The following DEK variants were observed in gnomAD, a reference collection of about 807,000 sequenced individuals.
DEK encodes protein DEK.
A neutral mutation model predicts 46.8 loss-of-function variants in DEK; 28 were observed. The observed-to-expected ratio is 0.60, with a 90% CI of 0.44 to 0.82. The LOEUF (loss-of-function observed/expected upper bound fraction) is 0.82. Ranked by LOEUF, DEK falls within the 40% of genes least tolerant of loss-of-function variation. DEK has a pLI of 0.00. For missense variants in DEK, 416 were observed against 430.6 expected, an observed-to-expected ratio of 0.97 and a Z score of 0.30; for synonymous variants, 160 against 144.5, an observed-to-expected ratio of 1.11 and a Z score of -0.77.
At chr6:18,260,363 T>C (rs1472210015) in intron 2 of DEK, among the ~76,000 whole-genome samples, 2 of 152,172 alleles carry the variant, frequency 1.3e-5, no homozygotes, top group African/African-American at 4.8e-5. Context: ...AACCCACAGA[T>C]ATGGAGAGCC....
At chr6:18,248,443 A>G (rs1000925918) in intron 7 of DEK, among the ~76,000 whole-genome samples, 1 of 152,204 alleles carries the variant, frequency 6.6e-6, no homozygotes, top group African/African-American at 2.4e-5. Flanking sequence ...ATATATATAC[A>G]TACAAACAAA....
At chr6:18,254,635 A>G (rs1424857449) in intron 6 of DEK, among the ~76,000 whole-genome samples, 1 of 152,186 alleles carries the variant, frequency 6.6e-6, no homozygotes, top group Admixed American at 6.5e-5. Context: ...TGAAACCAAT[A>G]AATTGGAAAA....
chr6:18,255,151 C>T (rs943345209), intron 6 of DEK, among the ~76,000 whole-genome samples: 1 of 152,168 alleles, frequency 6.6e-6, no homozygotes, highest in African/African-American at 2.4e-5. Flanking sequence ...TCATTCGTTA[C>T]CATTAAATAA....
At chr6:18,254,395 T>C (rs1409191543) in intron 6 of DEK, among the ~76,000 whole-genome samples, 1 of 152,096 alleles carries the variant, frequency 6.6e-6, no homozygotes, top group Non-Finnish European at 1.5e-5. Context: ...CAGAAGCAAA[T>C]GGTAATCAAG....
chr6:18,240,151 G>GT (rs1582269041), intron 7 of DEK, among the ~76,000 whole-genome samples: 1 of 152,192 alleles, frequency 6.6e-6, no homozygotes, highest in Non-Finnish European at 1.5e-5. Flanking sequence ...CCTGCAAATT[G>GT]TGAGTAGTGA....
rs186771522 is a variant in DEK at position 18,254,056 on chromosome 6, C to A, written c.573+1675G>T. Among the ~76,000 whole-genome samples the A allele has an allele frequency of 1.2e-4, 18 of 152,216 alleles. No individual in the cohort carries two copies. The East Asian group carries it at 3.3e-3, about 28-fold the overall frequency. On this transcript the variant is annotated intron_variant, in intron 6 of 10. Coordinates refer to ENST00000652689, the MANE Select transcript of DEK (RefSeq NM_003472.4). The stretch of plus-strand genomic sequence containing the variant: ...TTGCAAAAGACTGAATGCGGCCAGG[C>A]ACGGTAGCTCACGCCTGTAATCCCA...
At chr6:18,247,533 G>C (rs531029502) in intron 7 of DEK, among the ~76,000 whole-genome samples, 8 of 152,170 alleles carry the variant, frequency 5.3e-5, no homozygotes, top group African/African-American at 1.9e-4. Flanking sequence ...TTTATAGTGA[G>C]ATGGTTCCAC....
intron 9 of DEK, among the ~76,000 whole-genome samples, chr6:18,231,936 C>T (rs1790431825): frequency 6.6e-6 from 1 of 152,166 alleles, no homozygotes; most frequent in African/African-American, 2.4e-5. Context: ...GACCAATATC[C>T]CTGATGAACA....
intron 2 of DEK, among the ~76,000 whole-genome samples, chr6:18,262,932 T>G (rs1484842504): frequency 6.6e-6 from 1 of 152,064 alleles, no homozygotes; most frequent in Non-Finnish European, 1.5e-5. Context: ...GGTTGAGGCT[T>G]AAAAAAAATC....
chr6:18,233,772 G>C (rs1790519309), intron 9 of DEK, among the ~76,000 whole-genome samples: 1 of 152,074 alleles, frequency 6.6e-6, no homozygotes, highest in Non-Finnish European at 1.5e-5. Flanking sequence ...TTCAACCATT[G>C]TGGAAGACAG....
At position 18,224,462 on chromosome 6, in the gene DEK, AAT is replaced by A. The variant is rs752044843; in HGVS notation, c.*1255_*1256del. 18 of 197,144 alleles carry A rather than the reference AAT, an allele frequency of 9.1e-5. No individual in the cohort carries two copies. The highest frequency in any genetic ancestry group is 1.8e-4 in the Admixed American group (3 of 16,506). The allele number at this position is 197,144 out of a possible 1,614,324, so 12.2% of individuals were successfully genotyped here. ...ACAGCATGTTTTAAAATTCAGATTT[AAT>A]AAACTGATTTAAGACAGTAAATTTG... On this transcript the variant is annotated 3_prime_UTR_variant, in exon 11 of 11. Coordinates refer to ENST00000652689, the MANE Select transcript of DEK (RefSeq NM_003472.4).
chr6:18,244,593 G>GA lies in DEK; in HGVS notation c.762+5057dup, dbSNP rs1218415830. ...GAGCCAGAATTCTGTCCTCACAGCA[G>GA]AAAGGTTGTACTGGGTGAACAGATG... On this transcript the variant is annotated intron_variant, in intron 7 of 10. Transcript: ENST00000652689. 2.3e-6 allele frequency: 3 copies of GA among 1,288,106 alleles called. No homozygotes were observed. The Admixed American group carries it at 6.9e-5, about 30-fold the overall frequency. The allele number at this position is 1,288,106 out of a possible 1,614,324, so 79.8% of individuals were successfully genotyped here. A position where few individuals can be genotyped will look rare whatever the true frequency, so the allele number is the denominator to read the frequency against.
intron 9 of DEK, among the ~76,000 whole-genome samples, chr6:18,229,762 T>A (rs1790323751): frequency 6.6e-6 from 1 of 152,192 alleles, no homozygotes; most frequent in African/African-American, 2.4e-5. Flanking sequence ...TTGGTGTACC[T>A]GAAAGTGACG....
At chr6:18,233,170 C>G (rs537940138) in intron 9 of DEK, among the ~76,000 whole-genome samples, 3 of 152,164 alleles carry the variant, frequency 2.0e-5, no homozygotes, top group African/African-American at 7.2e-5. Flanking sequence ...GAAACTGGAT[C>G]GCTTCTTTAC....
In DEK at chr6:18,232,077, C is replaced by T. The variant is rs139170203; in HGVS notation, c.1047+4375G>A. On this transcript the variant is annotated intron_variant, in intron 9 of 10. Transcript: ENST00000652689. ...GGTTCAACACACGCAAATCAACAAACGTAATCCATCATATAAACAGAACCA... is the reference window on the plus strand; with the variant it reads ...GGTTCAACACACGCAAATCAACAAATGTAATCCATCATATAAACAGAACCA... Among the ~76,000 whole-genome samples the T allele has an allele frequency of 2.1e-3, 321 of 152,244 alleles. 5 individuals are homozygous for T. Among genetic ancestry groups the T allele is most frequent in the East Asian group, 0.011 (56 of 5,176 alleles).
intron 7 of DEK, among the ~76,000 whole-genome samples, chr6:18,240,512 A>C (rs987417169): frequency 6.6e-6 from 1 of 152,244 alleles, no homozygotes; most frequent in Non-Finnish European, 1.5e-5. Flanking sequence ...TGGGGAGTAG[A>C]TACATTAACA....
In DEK at chr6:18,235,465, C is replaced by G. The variant is rs77937021; in HGVS notation, c.1047+987G>C. 4.7e-3 allele frequency among the ~76,000 whole-genome samples: 721 copies of G among 152,276 alleles called. 4 individuals carry two copies. Among genetic ancestry groups the G allele is most frequent in the African/African-American group, 0.017 (689 of 41,566 alleles). ...TTCAGTTAAGAGCTCTTCCAAGATG[C>G]TTTTCCAGATTCCCCCAGCCTCAAG... is the stretch of plus-strand genomic sequence containing the variant. On this transcript the variant is annotated intron_variant, in intron 9 of 10. Transcript: ENST00000652689.
intron 7 of DEK, among the ~76,000 whole-genome samples, chr6:18,247,763 C>G (rs1199665293): frequency 6.6e-6 from 1 of 152,034 alleles, no homozygotes; most frequent in Non-Finnish European, 1.5e-5. Context: ...CCTCTGCCTC[C>G]CCGGTTCAAG....
intron 2 of DEK, among the ~76,000 whole-genome samples, chr6:18,260,849 A>G (rs371324019): frequency 6.6e-6 from 1 of 151,964 alleles, no homozygotes; most frequent in Non-Finnish European, 1.5e-5. Flanking sequence ...AAAAATACAG[A>G]AAGTACCCGG....
Sources: gnomAD v4.1 joint callset for allele counts (sites outside exome capture counted in the v4.1 genomes callset) on GRCh38, gnomAD v4.1.1 for gene constraint, MANE v1.5 for transcripts, NCBI Gene and HGNC (gene_info 2026-07-23, HGNC 2026-07-21) for gene names.